ZMYM2: variants seen among roughly 807,000 people sequenced by gnomAD.
ZMYM2 encodes the protein zinc finger MYM-type protein 2.
In ZMYM2, 56 loss-of-function variants were observed where a neutral mutation model predicts 162.8. The ratio of observed to expected loss-of-function variants is 0.34; its 90% CI spans 0.28 to 0.43. The LOEUF (loss-of-function observed/expected upper bound fraction) is 0.43, where lower values mean the gene tolerates loss of function less well. ZMYM2 is among the 20% of genes least tolerant of loss of function. The probability of loss-of-function intolerance (pLI) is 1.00; values close to 1 mark genes in which losing one functional copy is unlikely to be tolerated. For missense variants in ZMYM2, 1,275 were observed against 1,621.8 expected, an observed-to-expected ratio of 0.79 and a Z score of 3.67; for synonymous variants, 510 against 541.6, an observed-to-expected ratio of 0.94 and a Z score of 0.81.
At chr13:19,904,098 C>T in the ZMYM2 span, among the ~76,000 whole-genome samples, 3 of 152,044 alleles carry the variant, frequency 2.0e-5, no homozygotes, top group Non-Finnish European at 4.4e-5. Context: ...CTGATCCATA[C>T]ATTGAGGCCT....
At chr13:20,082,728 A>G (rs1485939383) in intron 22 of ZMYM2, 53 bp from the exon 23 acceptor site, 1 of 1,401,144 alleles carries the variant, frequency 7.1e-7, no homozygotes, top group East Asian at 2.5e-5. Flanking sequence ...TAGATGGTTA[A>G]ATGAAAACTT....
At chr13:19,878,346 C>T in the ZMYM2 span, among the ~76,000 whole-genome samples, 3 of 152,082 alleles carry the variant, frequency 2.0e-5, no homozygotes, top group Non-Finnish European at 4.4e-5. Flanking sequence ...AGCCACTACA[C>T]CTGGCCGGTA....
intron 2 of ZMYM2, among the ~76,000 whole-genome samples, chr13:19,986,503 G>A (rs1452280783): frequency 6.6e-6 from 1 of 151,926 alleles, no homozygotes; most frequent in Non-Finnish European, 1.5e-5. Context: ...AGGAAAGCTT[G>A]TTTATAGCAA....
At chr13:19,884,793 C>CA in the ZMYM2 span, among the ~76,000 whole-genome samples, 1 of 152,084 alleles carries the variant, frequency 6.6e-6, no homozygotes, top group African/African-American at 2.4e-5. Flanking sequence ...GACAGAAAAA[C>CA]AAAATCTTCA....
At chr13:19,984,260 A>C (rs1363159544) in intron 2 of ZMYM2, among the ~76,000 whole-genome samples, 1 of 152,194 alleles carries the variant, frequency 6.6e-6, no homozygotes, top group Non-Finnish European at 1.5e-5. Context: ...TTTCATGACA[A>C]CATCAACTGT....
chr13:19,876,303 C>T, the ZMYM2 span, among the ~76,000 whole-genome samples: 1 of 152,106 alleles, frequency 6.6e-6, no homozygotes, highest in South Asian at 2.1e-4. Flanking sequence ...GCTGGGATTA[C>T]ATGCGTGAGC....
the ZMYM2 span, among the ~76,000 whole-genome samples, chr13:19,881,261 A>T: frequency 6.6e-6 from 1 of 152,170 alleles, no homozygotes; most frequent in Non-Finnish European, 1.5e-5. Flanking sequence ...TTACAACTTG[A>T]ATGCCCTTTA....
Position 20,034,516 on chromosome 13 carries a change from T to C in ZMYM2, c.2119+112T>C, listed in dbSNP as rs941635520. ...TTTTAATGTAGCTGAACAAAAAAAA[T>C]TGAGTTTACGTTTCTACTGACTTGT... On this transcript the variant is annotated intron_variant, in intron 11 of 24. Coordinates refer to ENST00000610343, the MANE Select transcript of ZMYM2 (RefSeq NM_197968.4). The C allele has an allele frequency of 3.7e-6, 4 of 1,074,808 alleles. No homozygotes were observed. The African/African-American group carries it at 4.9e-5, about 13-fold the overall frequency. The allele number at this position is 1,074,808 out of a possible 1,614,324, so 66.6% of individuals were successfully genotyped here.
chr13:19,986,271 A>G (rs945795856), intron 2 of ZMYM2, among the ~76,000 whole-genome samples: 1 of 151,938 alleles, frequency 6.6e-6, no homozygotes, highest in East Asian at 1.9e-4. Context: ...CCTAGCACAC[A>G]CCTATAGTCC....
At chr13:19,919,799 T>G in the ZMYM2 span, among the ~76,000 whole-genome samples, 2 of 151,884 alleles carry the variant, frequency 1.3e-5, no homozygotes, top group Non-Finnish European at 2.9e-5. Flanking sequence ...TGCCTCAGCC[T>G]CCTGAGTAGC....
chr13:19,961,554 TTTATC>T (rs1955210855), intron 2 of ZMYM2, among the ~76,000 whole-genome samples: 2 of 152,196 alleles, frequency 1.3e-5, no homozygotes, highest in South Asian at 2.1e-4. Flanking sequence ...TCACAAAAGA[TTTATC>T]TTTCTAGGAT....
chr13:19,921,368 G>A, the ZMYM2 span, among the ~76,000 whole-genome samples: 1 of 152,076 alleles, frequency 6.6e-6, no homozygotes, highest in Non-Finnish European at 1.5e-5. Context: ...TTGAACTCCT[G>A]ACCTCAAGTG....
At chr13:19,913,197 TC>T in the ZMYM2 span, among the ~76,000 whole-genome samples, 56 of 152,228 alleles carry the variant, frequency 3.7e-4, no homozygotes, top group African/African-American at 1.3e-3. Context: ...GAAGGAAAGC[TC>T]TGCCATGCTC....
the ZMYM2 span, among the ~76,000 whole-genome samples, chr13:19,871,694 C>G: frequency 6.6e-6 from 1 of 152,216 alleles, no homozygotes; most frequent in South Asian, 2.1e-4. Flanking sequence ...ATATATGGCT[C>G]TAATTTATAC....
the ZMYM2 span, among the ~76,000 whole-genome samples, chr13:19,919,641 C>T: frequency 1.3e-5 from 2 of 149,724 alleles, no homozygotes; most frequent in Non-Finnish European, 1.5e-5. Flanking sequence ...CATGTATTTT[C>T]TTTGGTGAAA....
rs765600714 is a variant in ZMYM2, at chr13:20,058,849, A to G, written c.2623+145A>G. 21 of 1,049,430 alleles carry G rather than the reference A, an allele frequency of 2.0e-5. 2 individuals are homozygous for G. In the South Asian group the frequency reaches 2.7e-4, roughly 13 times the overall value. 65.0% of individuals were successfully genotyped at this position (1,049,430 alleles called of 1,614,324 possible). A position where few individuals can be genotyped will look rare whatever the true frequency, so the allele number is the denominator to read the frequency against. ...GTTGATTTTGCTTACGTAATTTTAG[A>G]TATTACCTGGAGAATACAGCATCTC... On this transcript the variant is annotated intron_variant, in intron 15 of 24. Coordinates refer to ENST00000610343, the MANE Select transcript of ZMYM2 (RefSeq NM_197968.4).
intron 17 of ZMYM2, among the ~76,000 whole-genome samples, chr13:20,062,555 T>C (rs995793194): frequency 2.6e-5 from 4 of 152,218 alleles, no homozygotes; most frequent in Non-Finnish European, 4.4e-5. Context: ...AGAAATACTT[T>C]ACTTGTTGAA....
At chr13:19,910,944 T>C in the ZMYM2 span, among the ~76,000 whole-genome samples, 1 of 152,122 alleles carries the variant, frequency 6.6e-6, no homozygotes, top group African/African-American at 2.4e-5. Flanking sequence ...TTACCAAATT[T>C]TGACTTGGTC....
intron 6 of ZMYM2, among the ~76,000 whole-genome samples, chr13:20,017,953 T>G (rs1434270317): frequency 5.9e-5 from 9 of 152,226 alleles, no homozygotes; most frequent in Admixed American, 2.0e-4. Context: ...TTTGGCATGA[T>G]AAATGATTTT....
Sources: gnomAD v4.1 joint callset for allele counts (sites outside exome capture counted in the v4.1 genomes callset) on GRCh38, gnomAD v4.1.1 for gene constraint, MANE v1.5 for transcripts, NCBI Gene and HGNC (gene_info 2026-07-23, HGNC 2026-07-21) for gene names.